The following CDC73 variants were observed in gnomAD, a reference collection of about 807,000 sequenced individuals.
CDC73 encodes the protein cell division cycle 73.
CDC73 carries 21 observed loss-of-function variants against 83.7 expected under a neutral mutation model. The ratio of observed to expected loss-of-function variants is 0.25; its 90% CI spans 0.18 to 0.36. The LOEUF (loss-of-function observed/expected upper bound fraction) is 0.36, where lower values mean the gene tolerates loss of function less well. Among genes scored for constraint, CDC73 ranks in the 10% least tolerant of loss-of-function variants. The pLI is 1.00. For synonymous variants in CDC73, 224 were observed against 212.9 expected, an observed-to-expected ratio of 1.05 and a Z score of -0.45; for missense variants, 342 against 653.3, an observed-to-expected ratio of 0.52 and a Z score of 5.19.
At chr1:193,133,006 A>T (rs1398320210) in intron 3 of CDC73, among the ~76,000 whole-genome samples, 1 of 144,894 alleles carries the variant, frequency 6.9e-6, no homozygotes, top group Non-Finnish European at 1.5e-5. Flanking sequence ...GGTGCATGCC[A>T]TTCTTCTGCC....
At chr1:193,137,046 T>TAAACAGCTA (rs1463847285) in intron 5 of CDC73, among the ~76,000 whole-genome samples, 7 of 152,198 alleles carry the variant, frequency 4.6e-5, no homozygotes, top group African/African-American at 7.2e-5. Context: ...GTTTTCAACA[T>TAAACAGCTA]TGGTTTTCAG....
chr1:193,222,040 CAA>C (rs527407181), intron 13 of CDC73, among the ~76,000 whole-genome samples: 6 of 147,696 alleles, frequency 4.1e-5, no homozygotes, highest in African/African-American at 1.5e-4. Flanking sequence ...GTAAATGAAA[CAA>C]AAAAAAATAA....
At position 193,252,336 on chromosome 1, in the gene CDC73, CAT is replaced by C. The variant is rs1261892686; in HGVS notation, c.*1625_*1626del. On this transcript the variant is annotated 3_prime_UTR_variant, in exon 17 of 17. Transcript: ENST00000367435. ...ATAAATATATTTCCAAAATAAATTA[CAT>C]GTTGTGTAAACTTTCTCCATGATGA... 5 of 229,808 alleles carry C rather than the reference CAT, an allele frequency of 2.2e-5. No individual in the cohort carries two copies. Among genetic ancestry groups the C allele is most frequent in the Non-Finnish European group, 4.3e-5 (5 of 115,964 alleles). 14.2% of individuals were successfully genotyped at this position (229,808 alleles called of 1,614,324 possible).
chr1:193,176,773 A>G (rs1367764750), intron 10 of CDC73, among the ~76,000 whole-genome samples: 1 of 152,190 alleles, frequency 6.6e-6, no homozygotes, highest in African/African-American at 2.4e-5. Context: ...TTACCTTCTC[A>G]TGACAAAATG....
At chr1:193,194,506 A>G (rs1178032338) in intron 10 of CDC73, among the ~76,000 whole-genome samples, 2 of 152,122 alleles carry the variant, frequency 1.3e-5, no homozygotes, top group African/African-American at 4.8e-5. Flanking sequence ...TACCTTATCC[A>G]TGTTTCTCTG....
intron 13 of CDC73, among the ~76,000 whole-genome samples, chr1:193,221,781 T>A (rs1371585705): frequency 6.6e-6 from 1 of 152,204 alleles, no homozygotes; most frequent in Non-Finnish European, 1.5e-5. Context: ...CTAATGTTTC[T>A]TCCAAGTTTA....
intron 1 of CDC73, among the ~76,000 whole-genome samples, chr1:193,124,066 A>G (rs1675519113): frequency 6.6e-6 from 1 of 152,276 alleles, no homozygotes; most frequent in Admixed American, 6.5e-5. Context: ...TAAAGGCTGT[A>G]TGCTTAAAGG....
intron 10 of CDC73, chr1:193,180,560 G>A (rs894908940): frequency 2.5e-6 from 4 of 1,613,974 alleles, no homozygotes; most frequent in African/African-American, 1.3e-5. Flanking sequence ...TGCAAACGGC[G>A]GATACCTAAA....
At chr1:193,131,510 G>T (rs1290500048) in intron 3 of CDC73, among the ~76,000 whole-genome samples, 1 of 152,112 alleles carries the variant, frequency 6.6e-6, no homozygotes, top group Non-Finnish European at 1.5e-5. Context: ...TTTTGAAAAA[G>T]TATATAAACT....
intron 15 of CDC73, among the ~76,000 whole-genome samples, chr1:193,249,336 A>G (rs1678006396): frequency 6.6e-6 from 1 of 152,062 alleles, no homozygotes; most frequent in Non-Finnish European, 1.5e-5. Flanking sequence ...ATAGACTGTG[A>G]TACAGTGTTA....
At chr1:193,190,014 A>C (rs1676891352) in intron 10 of CDC73, among the ~76,000 whole-genome samples, 1 of 152,176 alleles carries the variant, frequency 6.6e-6, no homozygotes, top group African/African-American at 2.4e-5. Context: ...GTAACATTAG[A>C]AGGGAGACAT....
rs72740248 is a variant in CDC73 at position 193,243,296 on chromosome 1, G to A, written c.1418-6434G>A. On this transcript the variant is annotated intron_variant, in intron 15 of 16. Transcript: ENST00000367435. ...AAACTTTTAATACTTTTTCTGAATA[G>A]GAAAGATTTTTTTTAATGATAATAT... 9.3e-3 allele frequency among the ~76,000 whole-genome samples: 1,414 copies of A among 152,148 alleles called. 9 individuals carry two copies. Among genetic ancestry groups the A allele is most frequent in the Admixed American group, 0.018 (274 of 15,290 alleles).
intron 10 of CDC73, among the ~76,000 whole-genome samples, chr1:193,191,510 C>A (rs1030969977): frequency 3.3e-5 from 5 of 152,156 alleles, no homozygotes; most frequent in Non-Finnish European, 7.4e-5. Context: ...TCGTCAGCCA[C>A]CCGAGTAGCT....
intron 10 of CDC73, among the ~76,000 whole-genome samples, chr1:193,201,392 A>G (rs893694108): frequency 2.6e-5 from 4 of 152,228 alleles, no homozygotes; most frequent in African/African-American, 9.6e-5. Context: ...CTTGCGTTAT[A>G]GCTTAATTCT....
intron 13 of CDC73, among the ~76,000 whole-genome samples, chr1:193,222,870 T>A (rs1349482803): frequency 1.3e-5 from 2 of 151,906 alleles, no homozygotes; most frequent in East Asian, 3.9e-4. Context: ...TCCATGTTTC[T>A]TAAATGATTC....
intron 10 of CDC73, among the ~76,000 whole-genome samples, chr1:193,164,215 A>G (rs1676393453): frequency 6.6e-6 from 1 of 152,224 alleles, no homozygotes; most frequent in Non-Finnish European, 1.5e-5. Context: ...GAATAATTTC[A>G]GTCAACATAT....
Position 193,233,147 on chromosome 1 carries a change from C to G in CDC73, c.1309C>G (p.Gln437Glu), listed in dbSNP as rs1295931922. Reference protein sequence around the residue: ...VVDQPLKLMPQDWDRVVAVFV... With the variant: ...VVDQPLKLMPEDWDRVVAVFV... ...AGACCAGCCCCTTAAACTTATGCCT[C>G]AAGACTGGTAAGATAGTCTCTATAT... is the stretch of plus-strand genomic sequence containing the variant. Residue 437 changes from glutamine to glutamate, a missense_variant, in exon 14 of 17, where the codon CAA becomes GAA. Physicochemically the swap from Gln to Glu is conservative, Grantham distance 29. Transcript: ENST00000367435. 6.2e-7 allele frequency: 1 copy of G among 1,610,724 alleles called. No individual in the cohort carries two copies.
At chr1:193,157,273 C>T (rs778621684) in intron 10 of CDC73, among the ~76,000 whole-genome samples, 8 of 152,016 alleles carry the variant, frequency 5.3e-5, no homozygotes, top group African/African-American at 7.2e-5. Flanking sequence ...CCTGCCTGTT[C>T]GTAAATGTTA....
In CDC73 at chr1:193,232,601, A is replaced by T. The variant is rs141259151; in HGVS notation, c.1155-392A>T. On this transcript the variant is annotated intron_variant, in intron 13 of 16. Coordinates refer to ENST00000367435, the MANE Select transcript of CDC73 (RefSeq NM_024529.5). ...AAACATCTTTAGTTTAAAACTAATTAATGTTTAAAAATTATTTCAGACCGG... is the reference window on the plus strand; with the variant it reads ...AAACATCTTTAGTTTAAAACTAATTTATGTTTAAAAATTATTTCAGACCGG... 3.7e-3 allele frequency among the ~76,000 whole-genome samples: 558 copies of T among 152,258 alleles called. 3 individuals carry two copies. The highest frequency in any genetic ancestry group is 0.011 in the African/African-American group (451 of 41,530).
Sources: allele counts gnomAD v4.1 joint callset (sites outside exome capture counted in the v4.1 genomes callset), GRCh38; gene constraint gnomAD v4.1.1; transcripts MANE v1.5; gene names NCBI Gene and HGNC (gene_info 2026-07-23, HGNC 2026-07-21).